The following ROBO1 variants were observed in gnomAD, a reference collection of about 807,000 sequenced individuals.
ROBO1 encodes roundabout guidance receptor 1.
In ROBO1, 149 loss-of-function variants were observed where a neutral mutation model predicts 195.9. The ratio of observed to expected loss-of-function variants is 0.76; its 90% CI spans 0.67 to 0.87. The LOEUF (loss-of-function observed/expected upper bound fraction) is 0.87, where lower values mean the gene tolerates loss of function less well. ROBO1 is among the 40% of genes least tolerant of loss of function. The pLI is 0.00. For missense variants in ROBO1, 1,933 were observed against 2,068.3 expected, an observed-to-expected ratio of 0.93 and a Z score of 1.27; for synonymous variants, 816 against 733.2, an observed-to-expected ratio of 1.11 and a Z score of -1.82.
intron 1 of ROBO1, among the ~76,000 whole-genome samples, chr3:79,708,631 G>A (rs1445367001): frequency 6.6e-6 from 1 of 152,140 alleles, no homozygotes; most frequent in African/African-American, 2.4e-5. Context: ...GGGAGGGAAA[G>A]GTAAAAGACT....
intron 2 of ROBO1, among the ~76,000 whole-genome samples, chr3:79,140,029 G>A (rs1387252582): frequency 6.6e-6 from 1 of 152,096 alleles, no homozygotes; most frequent in African/African-American, 2.4e-5. Flanking sequence ...TTAAATGATG[G>A]ATGGGGAATC....
chr3:79,427,737 T>A (rs1191832582), intron 2 of ROBO1, among the ~76,000 whole-genome samples: 1 of 152,130 alleles, frequency 6.6e-6, no homozygotes, highest in Admixed American at 6.6e-5. Context: ...TGGATTTCCG[T>A]ATGCATAAGA....
intron 2 of ROBO1, among the ~76,000 whole-genome samples, chr3:79,359,869 C>T (rs73848866): frequency 0.014 from 2,149 of 151,900 alleles, 39 homozygotes; most frequent in African/African-American, 0.048. Flanking sequence ...AGGCAGTAGG[C>T]GTGCTGGACT....
intron 15 of ROBO1, among the ~76,000 whole-genome samples, 167 bp from the exon 16 acceptor site, chr3:78,661,428 T>C (rs1407224925): frequency 6.6e-6 from 1 of 152,202 alleles, no homozygotes; most frequent in Admixed American, 6.5e-5. Context: ...AAAATCATTA[T>C]TTGTGGACAA....
At chr3:79,024,593 G>A (rs1339824172) in intron 3 of ROBO1, among the ~76,000 whole-genome samples, 1 of 152,160 alleles carries the variant, frequency 6.6e-6, no homozygotes, top group Non-Finnish European at 1.5e-5. Context: ...ATAGACTTGG[G>A]AGACTTCAGA....
intron 2 of ROBO1, among the ~76,000 whole-genome samples, chr3:79,223,562 G>A (rs920189513): frequency 9.2e-5 from 14 of 152,108 alleles, no homozygotes; most frequent in African/African-American, 3.1e-4. Flanking sequence ...AAATGTATAC[G>A]AAAAAGCACG....
At chr3:78,799,190 G>T (rs996378913) in intron 4 of ROBO1, among the ~76,000 whole-genome samples, 3 of 152,000 alleles carry the variant, frequency 2.0e-5, no homozygotes, top group Non-Finnish European at 4.4e-5. Context: ...TCCATTCTTT[G>T]GTGGATAAAA....
intron 2 of ROBO1, among the ~76,000 whole-genome samples, chr3:79,202,039 T>C (rs189962555): frequency 3.7e-4 from 56 of 152,074 alleles, no homozygotes; most frequent in Admixed American, 3.9e-4. Flanking sequence ...GGTTTCATTG[T>C]AGACGTCCAT....
chr3:79,122,499 T>C (rs550398180), intron 3 of ROBO1, among the ~76,000 whole-genome samples: 4 of 152,122 alleles, frequency 2.6e-5, no homozygotes, highest in African/African-American at 9.6e-5. Context: ...CTAAATCACT[T>C]ACAAAATTTA....
At chr3:79,592,964 G>A (rs1443915026) in intron 1 of ROBO1, among the ~76,000 whole-genome samples, 1 of 151,862 alleles carries the variant, frequency 6.6e-6, no homozygotes, top group Non-Finnish European at 1.5e-5. Flanking sequence ...GCCTTTCTTG[G>A]AATGTCATAT....
chr3:79,387,706 G>A (rs1025615828), intron 2 of ROBO1, among the ~76,000 whole-genome samples: 1 of 150,302 alleles, frequency 6.7e-6, no homozygotes, highest in Non-Finnish European at 1.5e-5. Context: ...TTTAAAAAAT[G>A]TGTAATGAAA....
intron 2 of ROBO1, among the ~76,000 whole-genome samples, chr3:79,245,556 A>G (rs1210686793): frequency 6.6e-6 from 1 of 152,010 alleles, no homozygotes. Context: ...GGGAATGTGA[A>G]TCCTGAGAAA....
chr3:79,330,669 G>C (rs554241482), intron 2 of ROBO1, among the ~76,000 whole-genome samples: 1 of 77,512 alleles, frequency 1.3e-5, no homozygotes, highest in African/African-American at 8.4e-5. Flanking sequence ...CTGGAACTTA[G>C]GGAAAAAAAA....
At chr3:79,002,580 T>G (rs2077531229) in intron 3 of ROBO1, among the ~76,000 whole-genome samples, 1 of 152,210 alleles carries the variant, frequency 6.6e-6, no homozygotes, top group Non-Finnish European at 1.5e-5. Context: ...CAAAATGTGA[T>G]AATTATTTAT....
chr3:79,469,616 T>C lies in ROBO1; in HGVS notation c.88+120208A>G, dbSNP rs529650824. Among the ~76,000 whole-genome samples, 52 of 152,348 alleles carry C rather than the reference T, an allele frequency of 3.4e-4. 1 individual carries two copies. Among genetic ancestry groups the C allele is most frequent in the Middle Eastern group, 3.4e-3 (1 of 294 alleles). ...TTGCCTGGGCAGCTTTCTTGGTTAC[T>C]CTAAGTTTAATTTTCTTTTCTATAA... On this transcript the variant is annotated intron_variant, in intron 2 of 30. Coordinates refer to ENST00000464233, the MANE Select transcript of ROBO1 (RefSeq NM_002941.4).
At chr3:79,184,984 A>G (rs979966568) in intron 2 of ROBO1, among the ~76,000 whole-genome samples, 3 of 152,108 alleles carry the variant, frequency 2.0e-5, no homozygotes, top group African/African-American at 7.2e-5. Context: ...TTCCATGTCC[A>G]CATTCTAGCT....
At chr3:78,838,675 C>T (rs1031749478) in intron 4 of ROBO1, among the ~76,000 whole-genome samples, 2 of 152,014 alleles carry the variant, frequency 1.3e-5, no homozygotes, top group Non-Finnish European at 2.9e-5. Context: ...TGAGAAAGTT[C>T]ATCAATTTAC....
At chr3:79,552,331 A>G (rs375296388) in intron 2 of ROBO1, among the ~76,000 whole-genome samples, 6 of 152,170 alleles carry the variant, frequency 3.9e-5, no homozygotes, top group African/African-American at 1.2e-4. Flanking sequence ...TCAGTTTCAT[A>G]TGTTAGATTC....
rs149103336 is a variant in ROBO1, at chr3:79,528,137, G to C, written c.88+61687C>G. Among the ~76,000 whole-genome samples, 4 of 152,202 alleles carry C rather than the reference G, an allele frequency of 2.6e-5. No homozygotes were observed. In the East Asian group the frequency reaches 7.7e-4, roughly 29 times the overall value. On this transcript the variant is annotated intron_variant, in intron 2 of 30. Coordinates refer to ENST00000464233, the MANE Select transcript of ROBO1 (RefSeq NM_002941.4). ...GTCCAATTACTTATATCTTAGAGCA[G>C]ATTAATGAAGTGTAAAAAGCATTTT...
Sources: gnomAD v4.1 joint callset for allele counts (sites outside exome capture counted in the v4.1 genomes callset) on GRCh38, gnomAD v4.1.1 for gene constraint, MANE v1.5 for transcripts, NCBI Gene and HGNC (gene_info 2026-07-23, HGNC 2026-07-21) for gene names.